AKAP6: variants seen among roughly 807,000 people sequenced by gnomAD.
AKAP6 encodes the protein A-kinase anchoring protein 6.
A neutral mutation model predicts 188.5 loss-of-function variants in AKAP6; 58 were observed. The ratio of observed to expected loss-of-function variants is 0.31; its 90% CI spans 0.25 to 0.38. The LOEUF (loss-of-function observed/expected upper bound fraction) is 0.38, where lower values mean the gene tolerates loss of function less well. AKAP6 is among the 10% of genes least tolerant of loss of function. The pLI is 1.00. For missense variants in AKAP6, 2,710 were observed against 2,740.0 expected (o/e 0.99, Z 0.24); for synonymous variants, 989 against 998.6 (o/e 0.99, Z 0.18).
In AKAP6 at chr14:32,551,408, C is replaced by T. The variant is rs572765489; in HGVS notation, c.2346+4409C>T. On this transcript the variant is annotated intron_variant, in intron 4 of 13. Coordinates refer to ENST00000280979, the MANE Select transcript of AKAP6 (RefSeq NM_004274.5). Reference sequence around the variant, plus strand: ...CCAACATGGTGAAACCCCATCTCTACTAAATAAACAAAAATTAGCCAGGTG... The same window carrying T: ...CCAACATGGTGAAACCCCATCTCTATTAAATAAACAAAAATTAGCCAGGTG... Among the ~76,000 whole-genome samples, 7 of 151,744 alleles carry T rather than the reference C, an allele frequency of 4.6e-5. 1 individual carries two copies. Among genetic ancestry groups the T allele is most frequent in the African/African-American group, 1.7e-4 (7 of 41,422 alleles).
intron 7 of AKAP6, among the ~76,000 whole-genome samples, chr14:32,602,116 G>T (rs916262499): frequency 6.6e-6 from 1 of 152,128 alleles, no homozygotes; most frequent in Admixed American, 6.5e-5. Context: ...ACTGTATTCA[G>T]CACATTTCTC....
At chr14:32,737,115 T>C (rs932425609) in intron 11 of AKAP6, among the ~76,000 whole-genome samples, 5 of 152,192 alleles carry the variant, frequency 3.3e-5, no homozygotes, top group Admixed American at 3.3e-4. Flanking sequence ...TTCAGATCTT[T>C]TAATGAAACT....
intron 1 of AKAP6, among the ~76,000 whole-genome samples, chr14:32,405,037 G>T (rs1889241989): frequency 6.6e-6 from 1 of 151,726 alleles, no homozygotes; most frequent in South Asian, 2.1e-4. Context: ...AAGTATGTTG[G>T]CAAACTAGAG....
At chr14:32,526,189 C>T (rs758606914) in intron 2 of AKAP6, among the ~76,000 whole-genome samples, 33 of 152,028 alleles carry the variant, frequency 2.2e-4, no homozygotes, top group Non-Finnish European at 2.9e-4. Context: ...CTCATCTTCC[C>T]AAGTAGCTGG....
chr14:32,526,315 C>T (rs1434196412), intron 2 of AKAP6, among the ~76,000 whole-genome samples: 1 of 152,164 alleles, frequency 6.6e-6, no homozygotes, highest in African/African-American at 2.4e-5. Flanking sequence ...TCACTGCAAC[C>T]TCTGCCTCCC....
intron 2 of AKAP6, among the ~76,000 whole-genome samples, chr14:32,492,508 C>A (rs940209450): frequency 2.0e-5 from 3 of 151,718 alleles, no homozygotes; most frequent in African/African-American, 7.3e-5. Flanking sequence ...ATAAGCATAG[C>A]TTTCCAGACT....
At chr14:32,691,426 G>A (rs1594852213) in intron 8 of AKAP6, among the ~76,000 whole-genome samples, 1 of 152,214 alleles carries the variant, frequency 6.6e-6, no homozygotes, top group African/African-American at 2.4e-5. Context: ...CACCTTTGCA[G>A]CTAATATAAA....
At chr14:32,749,786 A>T (rs1393613005) in intron 11 of AKAP6, among the ~76,000 whole-genome samples, 1 of 152,216 alleles carries the variant, frequency 6.6e-6, no homozygotes. Flanking sequence ...GAAGAGATGG[A>T]GGATTTGAAT....
chr14:32,810,972 G>A (rs1379445756), intron 12 of AKAP6, among the ~76,000 whole-genome samples: 1 of 152,100 alleles, frequency 6.6e-6, no homozygotes, highest in African/African-American at 2.4e-5. Flanking sequence ...GGGTGCGGTG[G>A]CTCACACCTG....
chr14:32,685,591 G>T (rs1246693713), intron 8 of AKAP6, among the ~76,000 whole-genome samples: 1 of 151,946 alleles, frequency 6.6e-6, no homozygotes, highest in Non-Finnish European at 1.5e-5. Context: ...AGGCATGGTG[G>T]TGGGCGCCTG....
chr14:32,720,903 A>G (rs537483250), intron 9 of AKAP6, among the ~76,000 whole-genome samples: 4 of 152,316 alleles, frequency 2.6e-5, no homozygotes, highest in Admixed American at 2.6e-4. Flanking sequence ...TTCAACAGAA[A>G]TAGCTGTGTT....
chr14:32,374,951 G>T (rs1489052950), intron 1 of AKAP6, among the ~76,000 whole-genome samples: 1 of 152,158 alleles, frequency 6.6e-6, no homozygotes. Context: ...TTTAAGATAT[G>T]AAAATAAGAT....
intron 2 of AKAP6, among the ~76,000 whole-genome samples, chr14:32,463,305 C>T (rs988301203): frequency 1.3e-5 from 2 of 152,198 alleles, no homozygotes; most frequent in African/African-American, 4.8e-5. Context: ...ACATTCTTCT[C>T]AGTGCCACAT....
At chr14:32,738,542 A>G (rs1450295986) in intron 11 of AKAP6, among the ~76,000 whole-genome samples, 2 of 152,174 alleles carry the variant, frequency 1.3e-5, no homozygotes, top group Non-Finnish European at 2.9e-5. Context: ...TACTTAAAAT[A>G]TACACTAATT....
rs145961452 is a variant in AKAP6 at position 32,342,702 on chromosome 14, C to T, written c.-35+13294C>T. Reference sequence around the variant, plus strand: ...CTGTGGTAAAGAGAGGAAGAAAATGCAGTGTCAGCGCTGGATGGAGACTCT... The same window carrying T: ...CTGTGGTAAAGAGAGGAAGAAAATGTAGTGTCAGCGCTGGATGGAGACTCT... On this transcript the variant is annotated intron_variant, in intron 1 of 13. Transcript: ENST00000280979. Among the ~76,000 whole-genome samples the T allele has an allele frequency of 1.4e-3, 218 of 152,278 alleles. 5 individuals carry two copies. The highest frequency in any genetic ancestry group is 4.4e-3 in the East Asian group (23 of 5,178).
At chr14:32,344,752 C>T (rs1887008344) in intron 1 of AKAP6, among the ~76,000 whole-genome samples, 1 of 152,048 alleles carries the variant, frequency 6.6e-6, no homozygotes, top group African/African-American at 2.4e-5. Flanking sequence ...CCCGTCTCTA[C>T]TAAAAATACA....
chr14:32,404,050 A>G (rs937936309), intron 1 of AKAP6, among the ~76,000 whole-genome samples: 1 of 152,216 alleles, frequency 6.6e-6, no homozygotes, highest in African/African-American at 2.4e-5. Context: ...TACCAGGCTA[A>G]AGAATCAAGA....
intron 2 of AKAP6, among the ~76,000 whole-genome samples, chr14:32,507,362 A>C (rs1240045833): frequency 6.6e-6 from 1 of 152,244 alleles, no homozygotes; most frequent in African/African-American, 2.4e-5. Context: ...CAATGTAAGA[A>C]ATAATCTTAA....
At chr14:32,518,953 G>A (rs1210279936) in intron 2 of AKAP6, among the ~76,000 whole-genome samples, 5 of 152,156 alleles carry the variant, frequency 3.3e-5, no homozygotes, top group Non-Finnish European at 5.9e-5. Context: ...GAGAAAGGTC[G>A]GGTTACCCAC....
Sources: allele counts gnomAD v4.1 joint callset (sites outside exome capture counted in the v4.1 genomes callset), GRCh38; gene constraint gnomAD v4.1.1; transcripts MANE v1.5; gene names NCBI Gene and HGNC (gene_info 2026-07-23, HGNC 2026-07-21).